PCED1B: variants seen among roughly 807,000 people sequenced by gnomAD.
The protein encoded by PCED1B is PC-esterase domain containing 1B.
For synonymous variants in PCED1B, 251 were observed against 246.1 expected (o/e 1.02, Z -0.19); for missense variants, 573 against 573.9 (o/e 1.00, Z 0.02).
chr12:47,191,597 T>G (rs1293484522), intron 2 of PCED1B, among the ~76,000 whole-genome samples: 16 of 152,106 alleles, frequency 1.1e-4, no homozygotes, highest in Admixed American at 1.0e-3. Flanking sequence ...GGCCTGCCTC[T>G]CTCCACCCAG....
chr12:47,101,080 A>G (rs1938685419), intron 1 of PCED1B, among the ~76,000 whole-genome samples: 1 of 152,150 alleles, frequency 6.6e-6, no homozygotes, highest in Non-Finnish European at 1.5e-5. Flanking sequence ...AAAAAAGAAA[A>G]AAAAAAGTTA....
chr12:47,152,059 G>A (rs895884724), intron 2 of PCED1B, among the ~76,000 whole-genome samples: 10 of 152,150 alleles, frequency 6.6e-5, no homozygotes, highest in African/African-American at 2.4e-4. Context: ...ATTTATAAAT[G>A]CAGATAGATG....
chr12:47,194,400 C>T (rs1942538747), intron 2 of PCED1B, among the ~76,000 whole-genome samples: 1 of 152,152 alleles, frequency 6.6e-6, no homozygotes, highest in African/African-American at 2.4e-5. Context: ...GTCTCGAACT[C>T]CTGACCTCGT....
At chr12:47,082,480 C>G (rs1937781937) in intron 1 of PCED1B, among the ~76,000 whole-genome samples, 1 of 152,160 alleles carries the variant, frequency 6.6e-6, no homozygotes, top group South Asian at 2.1e-4. Context: ...ACTTTTACTT[C>G]CTTTTTAATT....
intron 2 of PCED1B, among the ~76,000 whole-genome samples, chr12:47,197,795 G>C (rs1565596080): frequency 6.6e-6 from 1 of 151,788 alleles, no homozygotes; most frequent in Non-Finnish European, 1.5e-5. Context: ...TCATTTATAT[G>C]AAAATAGACC....
At chr12:47,187,062 T>C (rs1195890331) in intron 2 of PCED1B, among the ~76,000 whole-genome samples, 1 of 152,140 alleles carries the variant, frequency 6.6e-6, no homozygotes, top group African/African-American at 2.4e-5. Context: ...GGGGAGGTAG[T>C]GGGTAGTGCC....
chr12:47,218,037 G>A (rs1229374618), intron 3 of PCED1B, among the ~76,000 whole-genome samples: 3 of 152,202 alleles, frequency 2.0e-5, no homozygotes, highest in Non-Finnish European at 4.4e-5. Context: ...CCACTTTCCA[G>A]ATATGCTAAG....
intron 2 of PCED1B, among the ~76,000 whole-genome samples, chr12:47,200,788 T>C (rs1156241283): frequency 6.6e-6 from 1 of 152,226 alleles, no homozygotes; most frequent in Admixed American, 6.5e-5. Context: ...CGCTAGGCCA[T>C]GTCAGTTCAG....
intron 2 of PCED1B, among the ~76,000 whole-genome samples, chr12:47,192,879 A>T (rs1942488735): frequency 6.6e-6 from 1 of 152,206 alleles, no homozygotes; most frequent in South Asian, 2.1e-4. Context: ...TTTGTCTAAG[A>T]TCACAAAGAA....
At chr12:47,211,653 C>CAAAAAAA in intron 2 of PCED1B, among the ~76,000 whole-genome samples, 1 of 65,622 alleles carries the variant, frequency 1.5e-5, no homozygotes, top group Non-Finnish European at 2.9e-5. Flanking sequence ...GACTCTGTCT[C>CAAAAAAA]AAAAAAAAAA....
chr12:47,118,416 C>T (rs1939526865), intron 2 of PCED1B, among the ~76,000 whole-genome samples: 1 of 152,140 alleles, frequency 6.6e-6, no homozygotes, highest in South Asian at 2.1e-4. Context: ...TATGGCTAGC[C>T]AGTTTTCCCA....
At chr12:47,159,447 G>T (rs971922880) in intron 2 of PCED1B, among the ~76,000 whole-genome samples, 3 of 152,064 alleles carry the variant, frequency 2.0e-5, no homozygotes, top group African/African-American at 7.2e-5. Context: ...TTCTAATTGG[G>T]ATGAGATGAT....
At chr12:47,102,851 C>T (rs1204965158) in intron 1 of PCED1B, among the ~76,000 whole-genome samples, 3 of 152,114 alleles carry the variant, frequency 2.0e-5, no homozygotes, top group South Asian at 2.1e-4. Context: ...GTATAAGTAA[C>T]GTAGAAGAGT....
chr12:47,159,152 G>A (rs1941290345), intron 2 of PCED1B, among the ~76,000 whole-genome samples: 2 of 152,126 alleles, frequency 1.3e-5, no homozygotes, highest in South Asian at 4.1e-4. Context: ...TCCACTGATG[G>A]ACACTTAGGT....
intron 2 of PCED1B, among the ~76,000 whole-genome samples, chr12:47,109,623 A>C (rs1939104590): frequency 6.6e-6 from 1 of 152,208 alleles, no homozygotes; most frequent in Non-Finnish European, 1.5e-5. Context: ...AAAATTCCAT[A>C]TGTGGAAATA....
At chr12:47,114,006 AT>A (rs1355078834) in intron 2 of PCED1B, among the ~76,000 whole-genome samples, 1 of 152,054 alleles carries the variant, frequency 6.6e-6, no homozygotes, top group Non-Finnish European at 1.5e-5. Context: ...GAGGTACACA[AT>A]GGGGAAACCC....
In PCED1B at chr12:47,192,030, GCCT is replaced by G. The variant is rs111351254; in HGVS notation, c.-525-24188_-525-24186del. Among the ~76,000 whole-genome samples, 377 of 152,040 alleles carry G rather than the reference GCCT, an allele frequency of 2.5e-3. 1 individual carries two copies. Among genetic ancestry groups the G allele is most frequent in the African/African-American group, 8.9e-3 (370 of 41,484 alleles). ...ACTCAATAGAACACCAATTTAATTTGCCTCCTTTGTATAAATGTATTCAATCCA... is the reference window on the plus strand; with the variant it reads ...ACTCAATAGAACACCAATTTAATTTGCCTTTGTATAAATGTATTCAATCCA... On this transcript the variant is annotated intron_variant, in intron 2 of 3. Transcript: ENST00000546455.
intron 2 of PCED1B, among the ~76,000 whole-genome samples, chr12:47,195,126 C>A (rs1206730372): frequency 6.6e-6 from 1 of 151,848 alleles, no homozygotes; most frequent in African/African-American, 2.4e-5. Context: ...GTCAGGAGTT[C>A]GAGACCAGCC....
At chr12:47,185,812 A>G (rs574724201) in intron 2 of PCED1B, among the ~76,000 whole-genome samples, 1 of 152,032 alleles carries the variant, frequency 6.6e-6, no homozygotes, top group East Asian at 1.9e-4. Flanking sequence ...AAAAGACTGT[A>G]TATTAGACTG....
Sources: gnomAD v4.1 joint callset for allele counts (sites outside exome capture counted in the v4.1 genomes callset) on GRCh38, gnomAD v4.1.1 for gene constraint, MANE v1.5 for transcripts, NCBI Gene and HGNC (gene_info 2026-07-23, HGNC 2026-07-21) for gene names.